PDE4D: variants seen among roughly 807,000 people sequenced by gnomAD.
PDE4D encodes 3',5'-cyclic-AMP phosphodiesterase 4D.
PDE4D carries 24 observed loss-of-function variants against 87.4 expected under a neutral mutation model. That is an observed-to-expected ratio of 0.27 (90% confidence interval 0.20 to 0.39). The LOEUF is 0.39. Among genes scored for constraint, PDE4D ranks in the 10% least tolerant of loss-of-function variants. PDE4D has a pLI of 1.00. For missense variants in PDE4D, 714 were observed against 1,041.0 expected (o/e 0.69, Z 4.32); for synonymous variants, 384 against 383.2 (o/e 1.00, Z -0.02).
At chr5:59,076,637 T>C (rs1316100151) in intron 5 of PDE4D, among the ~76,000 whole-genome samples, 1 of 152,162 alleles carries the variant, frequency 6.6e-6, no homozygotes, top group African/African-American at 2.4e-5. Flanking sequence ...CAAAGAATTG[T>C]TATTGAGCAG....
chr5:59,406,280 T>C (rs1328542171), intron 1 of PDE4D, among the ~76,000 whole-genome samples: 2 of 152,090 alleles, frequency 1.3e-5, no homozygotes, highest in Admixed American at 6.6e-5. Flanking sequence ...GAATTTATCA[T>C]TTTTTTAGGT....
chr5:59,907,937 T>G (rs1753015464), intron 3 of PDE4D, among the ~76,000 whole-genome samples: 1 of 152,048 alleles, frequency 6.6e-6, no homozygotes, highest in African/African-American at 2.4e-5. Context: ...GTCCTCATTC[T>G]TTTGTCACTA....
intron 3 of PDE4D, among the ~76,000 whole-genome samples, chr5:59,946,455 G>C (rs1757732480): frequency 6.6e-6 from 1 of 152,222 alleles, no homozygotes; most frequent in African/African-American, 2.4e-5. Flanking sequence ...CAAGAAATAA[G>C]AGATCAGCCA....
At chr5:59,730,359 A>G (rs1757206899) in intron 1 of PDE4D, among the ~76,000 whole-genome samples, 1 of 152,134 alleles carries the variant, frequency 6.6e-6, no homozygotes, top group Non-Finnish European at 1.5e-5. Flanking sequence ...CTGCTTCCAA[A>G]CCAGGGTAAT....
intron 5 of PDE4D, among the ~76,000 whole-genome samples, chr5:59,160,310 G>A (rs547937887): frequency 6.6e-6 from 1 of 152,194 alleles, no homozygotes; most frequent in South Asian, 2.1e-4. Context: ...ATGATTAGCA[G>A]TTATGAAATC....
intron 2 of PDE4D, among the ~76,000 whole-genome samples, chr5:60,077,252 T>C (rs1176221652): frequency 6.6e-6 from 1 of 152,166 alleles, no homozygotes; most frequent in Non-Finnish European, 1.5e-5. Context: ...AGCGGTATGG[T>C]AGGATGCATG....
intron 1 of PDE4D, among the ~76,000 whole-genome samples, chr5:59,754,368 C>T (rs894297829): frequency 6.6e-6 from 1 of 152,070 alleles, no homozygotes; most frequent in African/African-American, 2.4e-5. Context: ...CGTATGGCTT[C>T]CACATCACCT....
At chr5:59,069,749 T>A (rs1169567432) in intron 5 of PDE4D, among the ~76,000 whole-genome samples, 1 of 152,164 alleles carries the variant, frequency 6.6e-6, no homozygotes, top group Non-Finnish European at 1.5e-5. Context: ...TTTCTTGTTA[T>A]GAGGACCAGT....
At chr5:60,180,491 G>A (rs1784289867) in intron 2 of PDE4D, among the ~76,000 whole-genome samples, 1 of 152,104 alleles carries the variant, frequency 6.6e-6, no homozygotes, top group South Asian at 2.1e-4. Context: ...AAGAATTAAA[G>A]ATTAAAATGG....
intron 2 of PDE4D, among the ~76,000 whole-genome samples, chr5:60,066,738 A>C (rs796868792): frequency 5.3e-5 from 8 of 152,224 alleles, no homozygotes; most frequent in African/African-American, 1.9e-4. Context: ...AGTCTACATA[A>C]TTTAAATTCC....
intron 1 of PDE4D, among the ~76,000 whole-genome samples, chr5:59,560,013 G>A (rs1819691755): frequency 6.6e-6 from 1 of 152,188 alleles, no homozygotes. Context: ...GGAATGGCAT[G>A]TCATTTGAAA....
chr5:59,627,619 G>A (rs1282919134), intron 1 of PDE4D, among the ~76,000 whole-genome samples: 1 of 152,126 alleles, frequency 6.6e-6, no homozygotes, highest in Non-Finnish European at 1.5e-5. Flanking sequence ...TAACACATTG[G>A]AGTATGTGCT....
chr5:59,832,580 T>C (rs1338843450), intron 1 of PDE4D, among the ~76,000 whole-genome samples: 4 of 152,056 alleles, frequency 2.6e-5, no homozygotes, highest in African/African-American at 7.2e-5. Flanking sequence ...AGGATATATA[T>C]GTGTAAGTCA....
intron 3 of PDE4D, among the ~76,000 whole-genome samples, chr5:59,931,763 G>A (rs1405556641): frequency 7.0e-6 from 1 of 143,624 alleles, no homozygotes; most frequent in African/African-American, 2.6e-5. Context: ...GTGCAGTGGT[G>A]CAATCTCAGC....
intron 1 of PDE4D, among the ~76,000 whole-genome samples, chr5:59,453,278 C>T (rs1799431213): frequency 6.6e-6 from 1 of 152,100 alleles, no homozygotes; most frequent in Non-Finnish European, 1.5e-5. Context: ...CTCCCCATCC[C>T]TGAGACACAG....
intron 1 of PDE4D, among the ~76,000 whole-genome samples, chr5:59,232,486 C>A: frequency 7.0e-6 from 1 of 143,734 alleles, no homozygotes. Flanking sequence ...GGTATCTTAC[C>A]TTAGAATGGC....
intron 1 of PDE4D, among the ~76,000 whole-genome samples, chr5:59,890,436 A>T (rs967760423): frequency 6.6e-6 from 1 of 152,220 alleles, no homozygotes; most frequent in African/African-American, 2.4e-5. Flanking sequence ...CTCTGTTGTG[A>T]TCATTAACAC....
At chr5:59,612,816 A>T (rs2150075082) in intron 1 of PDE4D, among the ~76,000 whole-genome samples, 1 of 152,318 alleles carries the variant, frequency 6.6e-6, no homozygotes. Context: ...ACTTGAGAAC[A>T]TGAAGTACCT....
At chr5:59,440,732 C>T (rs1477234158) in intron 1 of PDE4D, among the ~76,000 whole-genome samples, 6 of 152,058 alleles carry the variant, frequency 3.9e-5, no homozygotes, top group Non-Finnish European at 8.8e-5. Context: ...GCCGAGGTTG[C>T]ACCACTGCAC....
Sources: gnomAD v4.1 joint callset for allele counts (sites outside exome capture counted in the v4.1 genomes callset) on GRCh38, gnomAD v4.1.1 for gene constraint, MANE v1.5 for transcripts, NCBI Gene and HGNC (gene_info 2026-07-23, HGNC 2026-07-21) for gene names.